GGA1: variants seen among roughly 807,000 people sequenced by gnomAD.
GGA1 encodes the protein golgi associated, gamma adaptin ear containing, ARF binding protein 1.
A neutral mutation model predicts 76.9 loss-of-function variants in GGA1; 18 were observed. The ratio of observed to expected loss-of-function variants is 0.23; its 90% CI spans 0.16 to 0.35. The LOEUF is 0.35. GGA1 is among the 10% of genes least tolerant of loss of function. The pLI is 1.00. For missense variants in GGA1, 755 were observed against 859.0 expected (o/e 0.88, Z 1.51); for synonymous variants, 342 against 354.7 (o/e 0.96, Z 0.40).
At position 37,623,299 on chromosome 22, in the gene GGA1, C is replaced by T; in HGVS notation, c.610-28C>T. ...GTGCCTCGTCCAGGCCAAAGGTTCT[C>T]AGGGGCCCTTGGCCAATGTGTCCCC... On this transcript the variant is annotated intron_variant, in intron 7 of 16. Transcript: ENST00000343632. This position sits in a 1 kb window ranked among gnomAD's most constrained non-coding sequence, Gnocchi z 4.6. 1.2e-6 allele frequency: 2 copies of T among 1,611,358 alleles called. No individual in the cohort carries two copies. Among genetic ancestry groups the T allele is most frequent in the Non-Finnish European group, 1.7e-6 (2 of 1,177,650 alleles).
At chr22:37,621,472 C>G (rs1187142920) in intron 6 of GGA1, 144 bp from the exon 7 acceptor site, 1 of 616,092 alleles carries the variant, frequency 1.6e-6, no homozygotes, top group Admixed American at 2.7e-5. Context: ...TATCAGGCAT[C>G]AGTAAATTCT....
chr22:37,628,936 C>T (rs1425317654), intron 11 of GGA1, among the ~76,000 whole-genome samples: 1 of 152,238 alleles, frequency 6.6e-6, no homozygotes, highest in Non-Finnish European at 1.5e-5. Context: ...CAGTGAGCCT[C>T]ACTGGCATGT....
In GGA1 at chr22:37,633,192, C is replaced by T. The variant is rs1932112985; in HGVS notation, c.*481C>T. 6.4e-6 allele frequency: 1 copy of T among 157,252 alleles called. No homozygotes were observed. Among genetic ancestry groups the T allele is most frequent in the Admixed American group, 6.2e-5 (1 of 16,144 alleles). The allele number at this position is 157,252 out of a possible 1,614,324, so 9.7% of individuals were successfully genotyped here. A position where few individuals can be genotyped will look rare whatever the true frequency, so the allele number is the denominator to read the frequency against. ...GAACCCAGTGACTGGGGGGTGACGCCTACACCCCCAGCTATTTGCACTCTG... is the reference window on the plus strand; with the variant it reads ...GAACCCAGTGACTGGGGGGTGACGCTTACACCCCCAGCTATTTGCACTCTG... On this transcript the variant is annotated 3_prime_UTR_variant, in exon 17 of 17. Coordinates refer to ENST00000343632, the MANE Select transcript of GGA1 (RefSeq NM_013365.5).
In GGA1 at chr22:37,633,098, T is replaced by G; in HGVS notation, c.*387T>G. 1 of 194,324 alleles carries G rather than the reference T, an allele frequency of 5.1e-6. No homozygotes were observed. Among genetic ancestry groups the G allele is most frequent in the East Asian group, 1.3e-4 (1 of 7,414 alleles). The allele number at this position is 194,324 out of a possible 1,614,324, so 12.0% of individuals were successfully genotyped here. A position where few individuals can be genotyped will look rare whatever the true frequency, so the allele number is the denominator to read the frequency against. The stretch of plus-strand genomic sequence containing the variant: ...TCTTCCCCACCTGTCTCTTATGCCT[T>G]ATGGGAAGGCCCAGCCATAACTCGG... On this transcript the variant is annotated 3_prime_UTR_variant, in exon 17 of 17. Transcript: ENST00000343632.
rs1041682157 is a variant in GGA1, at chr22:37,633,559, C to T, written c.*848C>T. 2 of 152,246 alleles carry T rather than the reference C, an allele frequency of 1.3e-5. No homozygotes were observed. The highest frequency in any genetic ancestry group is 3.9e-4 in the East Asian group (2 of 5,182). The allele number at this position is 152,246 out of a possible 1,614,324, so 9.4% of individuals were successfully genotyped here. A position where few individuals can be genotyped will look rare whatever the true frequency, so the allele number is the denominator to read the frequency against. ...TTTATGAAAATAAAACGTCGTTTTT[C>T]CTGGACCAGCTGCTCTCGTGGCCCT... On this transcript the variant is annotated 3_prime_UTR_variant, in exon 17 of 17. Transcript: ENST00000343632.
At chr22:37,620,459 AGGTCAT>A in intron 5 of GGA1, 98 bp downstream of exon 5, 4 of 1,304,682 alleles carry the variant, frequency 3.1e-6, no homozygotes, top group Non-Finnish European at 4.4e-6. Context: ...TGAGCCAGCA[AGGTCAT>A]GGGTCTGTCC....
At chr22:37,621,053 G>C in intron 6 of GGA1, 140 bp downstream of exon 6, 1 of 661,088 alleles carries the variant, frequency 1.5e-6, no homozygotes, top group Non-Finnish European at 2.8e-6. Flanking sequence ...GATGGGCGCT[G>C]TTTACTGGGC....
At chr22:37,611,011 A>G (rs2145866965) in intron 1 of GGA1, among the ~76,000 whole-genome samples, 1 of 152,338 alleles carries the variant, frequency 6.6e-6, no homozygotes, top group Non-Finnish European at 1.5e-5. Context: ...ACCTCACTCC[A>G]ACTCACGTGT....
In GGA1 at chr22:37,618,489, C is replaced by T. The variant is rs769402630; in HGVS notation, c.246C>T (p.His82=). The change falls in exon 4 of 17, where the codon CAC becomes CAT. Residue 82 remains histidine, a synonymous_variant. Coordinates refer to ENST00000343632, the MANE Select transcript of GGA1 (RefSeq NM_013365.5). Reference sequence around the variant, plus strand: ...TGAAGAGCTGCGGCAAGCGGTTCCACGACGAAGTGGGCAAGTTCCGCTTTC... The same window carrying T: ...TGAAGAGCTGCGGCAAGCGGTTCCATGACGAAGTGGGCAAGTTCCGCTTTC... ...TCMKSCGKRF[H]DEVGKFRFLN... The T allele has an allele frequency of 9.9e-6, 16 of 1,613,550 alleles. No individual in the cohort carries two copies. Among genetic ancestry groups the T allele is most frequent in the Admixed American group, 1.7e-5 (1 of 60,024 alleles).
Position 37,631,052 on chromosome 22 carries a change from A to C in GGA1, c.1481A>C (p.Glu494Ala). 6.2e-7 allele frequency: 1 copy of C among 1,608,478 alleles called. No individual in the cohort carries two copies. The highest frequency in any genetic ancestry group is 1.1e-5 in the South Asian group (1 of 90,434). The change falls in exon 14 of 17, where the codon GAG (glutamate) becomes GCG (alanine). Residue 494 changes from glutamate to alanine, a missense_variant. Physicochemically the swap from Glu to Ala is moderately radical, Grantham distance 107. Transcript: ENST00000343632. Reference sequence around the variant, plus strand: ...CCTCCGCAGCAGCCCGTACCAACCGAGCTCTCACTGGCCAGCATCACTGTG... The same window carrying C: ...CCTCCGCAGCAGCCCGTACCAACCGCGCTCTCACTGGCCAGCATCACTGTG... ...PRPPQQPVPT[E>A]LSLASITVPL... is the part of the protein sequence containing the mutation.
In GGA1 at chr22:37,623,574, G is replaced by T. The variant is rs148765384; in HGVS notation, c.773G>T (p.Arg258Leu). The T allele has an allele frequency of 6.2e-7, 1 of 1,610,400 alleles. No individual in the cohort carries two copies. Among genetic ancestry groups the T allele is most frequent in the Non-Finnish European group, 8.5e-7 (1 of 1,178,266 alleles). The change falls in exon 9 of 17, where the codon CGG becomes CTG. Residue 258 changes from arginine (R) to leucine (L), a missense_variant. By Grantham distance (102) the Arg-to-Leu change is moderately radical. Coordinates refer to ENST00000343632, the MANE Select transcript of GGA1 (RefSeq NM_013365.5). The surrounding 1 kb of genome is among the most constrained non-coding windows in gnomAD (Gnocchi z 4.6). ...CAGGAACTGTACCAGCGCTGTGAGC[G>T]GATGCGGCCCACGCTCTTCCGACTG... is the stretch of plus-strand genomic sequence containing the variant. ...LMKELYQRCE[R>L]MRPTLFRLAS...
chr22:37,620,918 G>T lies in GGA1; in HGVS notation c.528+5G>T. The T allele has an allele frequency of 6.4e-7, 1 of 1,568,082 alleles. No individual in the cohort carries two copies. The highest frequency in any genetic ancestry group is 1.1e-5 in the South Asian group (1 of 90,178). On this transcript the variant is annotated splice_donor_5th_base_variant and intron_variant, in intron 6 of 16. Transcript: ENST00000343632. ...GAAGATGAGGAGAAATCCAAGGTGA[G>T]ACTCCAAGGAGGCACATATGGGGAC...
chr22:37,628,718 T>C (rs116622470), intron 11 of GGA1, among the ~76,000 whole-genome samples: 1,789 of 152,352 alleles, frequency 0.012, 33 homozygotes, highest in African/African-American at 0.041. Context: ...TGCCTTTGCC[T>C]GTCAGGTAGC....
At chr22:37,613,742 C>T (rs551479597) in intron 1 of GGA1, among the ~76,000 whole-genome samples, 24 of 152,116 alleles carry the variant, frequency 1.6e-4, no homozygotes, top group Non-Finnish European at 3.2e-4. Flanking sequence ...CTCTGTCACA[C>T]GTTATTGAGA....
In GGA1 at chr22:37,614,174, A is replaced by G. The variant is rs756847029; in HGVS notation, c.44-16A>G. On this transcript the variant is annotated splice_polypyrimidine_tract_variant and intron_variant, in intron 1 of 16. Coordinates refer to ENST00000343632, the MANE Select transcript of GGA1 (RefSeq NM_013365.5). ...CCCACTGCCGGGCCACAATGACCCC[A>G]GCTCTCCTCTTCCAGATAGAGCCAC... is the stretch of plus-strand genomic sequence containing the variant. 1 of 1,584,104 alleles carries G rather than the reference A, an allele frequency of 6.3e-7. No homozygotes were observed. Among genetic ancestry groups the G allele is most frequent in the South Asian group, 1.1e-5 (1 of 90,478 alleles).
chr22:37,609,757 G>T (rs1927154528), intron 1 of GGA1, among the ~76,000 whole-genome samples: 1 of 152,128 alleles, frequency 6.6e-6, no homozygotes, highest in Non-Finnish European at 1.5e-5. Flanking sequence ...AGCCGTGGCT[G>T]GCTTCTCCCT....
intron 7 of GGA1, 74 bp downstream of exon 7, chr22:37,621,770 ATGCATCT>A (rs1929942707): frequency 1.1e-6 from 1 of 947,702 alleles, no homozygotes; most frequent in African/African-American, 1.6e-5. Flanking sequence ...ATGGGGCTGT[ATGCATCT>A]TCACATGGAA....
Position 37,618,493 on chromosome 22 carries a change from G to A in GGA1, c.250G>A (p.Glu84Lys), listed in dbSNP as rs761136453. The part of the protein sequence containing the change: ...MKSCGKRFHD[E>K]VGKFRFLNEL... ...GAGCTGCGGCAAGCGGTTCCACGACGAAGTGGGCAAGTTCCGCTTTCTCAA... is the reference window on the plus strand; with the variant it reads ...GAGCTGCGGCAAGCGGTTCCACGACAAAGTGGGCAAGTTCCGCTTTCTCAA... Residue 84 changes from glutamate to lysine, a missense_variant, in exon 4 of 17, where the codon GAA becomes AAA. By Grantham distance (56) the Glu-to-Lys change is moderately conservative. Transcript: ENST00000343632. 8.7e-6 allele frequency: 14 copies of A among 1,613,614 alleles called. No individual in the cohort carries two copies. Among genetic ancestry groups the A allele is most frequent in the Admixed American group, 3.3e-5 (2 of 59,996 alleles).
chr22:37,617,018 C>T (rs758987636), intron 3 of GGA1, 21 bp downstream of exon 3: 3 of 1,585,914 alleles, frequency 1.9e-6, no homozygotes, highest in Non-Finnish European at 2.6e-6. Context: ...GAGAGGCCAC[C>T]ATCCGTCCCC....
Sources: allele counts gnomAD v4.1 joint callset (sites outside exome capture counted in the v4.1 genomes callset), GRCh38; gene constraint gnomAD v4.1.1; non-coding constraint Gnocchi (gnomAD v3.1); transcripts MANE v1.5; gene names NCBI Gene and HGNC (gene_info 2026-07-23, HGNC 2026-07-21).